Variants in KIF15 observed in about 807,000 individuals in gnomAD.
The protein encoded by KIF15 is kinesin family member 15, also known as kinesin-like protein KIF15.
In KIF15, 140 loss-of-function variants were observed where a neutral mutation model predicts 190.6. The ratio of observed to expected loss-of-function variants is 0.73; its 90% CI spans 0.64 to 0.84. The LOEUF is 0.84. Among genes scored for constraint, KIF15 ranks in the 40% least tolerant of loss-of-function variants. KIF15 has a pLI of 0.00. For missense variants in KIF15, 1,372 were observed against 1,584.4 expected (o/e 0.87, Z 2.28); for synonymous variants, 528 against 551.3 (o/e 0.96, Z 0.59).
chr3:44,804,039 G>T (rs549771587), intron 14 of KIF15, among the ~76,000 whole-genome samples: 1 of 152,110 alleles, frequency 6.6e-6, no homozygotes, highest in African/African-American at 2.4e-5. Context: ...GTAGAGATGG[G>T]GTTTCACCAT....
downstream of KIF15, among the ~76,000 whole-genome samples, chr3:44,858,174 G>C (rs1011953144): frequency 6.6e-6 from 1 of 152,176 alleles, no homozygotes; most frequent in Non-Finnish European, 1.5e-5. Flanking sequence ...ATCAAGAATG[G>C]AATAGTGAGT....
chr3:44,838,605 G>A (rs138835829), intron 27 of KIF15, among the ~76,000 whole-genome samples, 184 bp downstream of exon 27: 23 of 152,148 alleles, frequency 1.5e-4, no homozygotes, highest in Middle Eastern at 3.4e-3. Context: ...AAAGTTAGCC[G>A]GGCGTGGTGG....
At chr3:44,801,007 C>T (rs1707239640) in intron 11 of KIF15, among the ~76,000 whole-genome samples, 1 of 149,972 alleles carries the variant, frequency 6.7e-6, no homozygotes, top group Non-Finnish European at 1.5e-5. Flanking sequence ...ATGACGGTCT[C>T]ATTGTTTTTT....
chr3:44,841,516 G>C (rs1698605855), intron 29 of KIF15, among the ~76,000 whole-genome samples: 1 of 151,506 alleles, frequency 6.6e-6, no homozygotes, highest in South Asian at 2.1e-4. Context: ...TCCTGCCTCA[G>C]CCTCCCGAGT....
chr3:44,791,374 A>C (rs532845712), intron 7 of KIF15, among the ~76,000 whole-genome samples: 19 of 152,322 alleles, frequency 1.2e-4, no homozygotes, highest in Non-Finnish European at 2.4e-4. Flanking sequence ...GTTGCTAAGT[A>C]GTGTCTTTAG....
intron 1 of KIF15, among the ~76,000 whole-genome samples, chr3:44,773,697 C>T (rs1705743346): frequency 6.6e-6 from 1 of 152,112 alleles, no homozygotes; most frequent in Non-Finnish European, 1.5e-5. Context: ...GACAAGAAGC[C>T]TCAGAAACAA....
Position 44,844,198 on chromosome 3 carries a change from AC to A in KIF15, c.3695+968del, listed in dbSNP as rs147767620. Among the ~76,000 whole-genome samples the A allele has an allele frequency of 7.1e-3, 1,087 of 152,268 alleles. 12 individuals carry two copies. Among genetic ancestry groups the A allele is most frequent in the African/African-American group, 0.025 (1,041 of 41,552 alleles). Reference sequence around the variant, plus strand: ...CAGCTCCCTGGCCCTGTCCAGAAACACCCCTGATATGAGTTGTTCAAAACCT... The same window carrying A: ...CAGCTCCCTGGCCCTGTCCAGAAACACCCTGATATGAGTTGTTCAAAACCT... On this transcript the variant is annotated intron_variant, in intron 30 of 34. Transcript: ENST00000326047.
intron 29 of KIF15, among the ~76,000 whole-genome samples, chr3:44,841,690 G>T (rs578177460): frequency 1.3e-5 from 2 of 151,956 alleles, no homozygotes; most frequent in Admixed American, 6.6e-5. Flanking sequence ...GAGCCACCGC[G>T]CCTGGCCAAT....
intron 5 of KIF15, among the ~76,000 whole-genome samples, chr3:44,781,390 T>C (rs1169948712): frequency 6.6e-6 from 1 of 152,248 alleles, no homozygotes; most frequent in African/African-American, 2.4e-5. Context: ...ACTCATGTTG[T>C]TGCATGTAGT....
At chr3:44,800,488 G>A (rs1006803465) in intron 11 of KIF15, 51 bp downstream of exon 11, 2 of 1,579,448 alleles carry the variant, frequency 1.3e-6, no homozygotes, top group African/African-American at 2.7e-5. Context: ...ACAAATAATA[G>A]TTTAAGAGCC....
At chr3:44,829,550 GTATATAT>G (rs1379603753) in intron 24 of KIF15, among the ~76,000 whole-genome samples, 1 of 31,956 alleles carries the variant, frequency 3.1e-5, no homozygotes, top group Admixed American at 4.7e-4. Context: ...TATTATATAT[GTATATAT>G]TATATATGTA....
chr3:44,801,217 G>T (rs543986482), intron 11 of KIF15, among the ~76,000 whole-genome samples: 3 of 150,706 alleles, frequency 2.0e-5, no homozygotes, highest in Admixed American at 6.6e-5. Context: ...GCGGGAGGGG[G>T]GGGTCTCACC....
At chr3:44,790,324 T>G (rs930496452) in intron 7 of KIF15, among the ~76,000 whole-genome samples, 2 of 152,102 alleles carry the variant, frequency 1.3e-5, no homozygotes, top group African/African-American at 4.8e-5. Flanking sequence ...ACTACAGGCT[T>G]GTGCCACCAC....
In KIF15 at chr3:44,848,041, A is replaced by G; in HGVS notation, c.3752A>G (p.Lys1251Arg). Residue 1251 changes from lysine to arginine, a missense_variant, in exon 31 of 35, where the codon AAA becomes AGA. Lys to Arg is a conservative substitution (Grantham distance 26). Coordinates refer to ENST00000326047, the MANE Select transcript of KIF15 (RefSeq NM_020242.3). ...QLKNEQEESI[K>R]ERLAKSKIVE... is the part of the protein sequence containing the mutation. Reference sequence around the variant, plus strand: ...AAGAATGAACAAGAAGAAAGTATCAAAGAAAGACTTGCAAAAGTAAGATTT... The same window carrying G: ...AAGAATGAACAAGAAGAAAGTATCAGAGAAAGACTTGCAAAAGTAAGATTT... 6.2e-7 allele frequency: 1 copy of G among 1,608,836 alleles called. No individual in the cohort carries two copies. Among genetic ancestry groups the G allele is most frequent in the Non-Finnish European group, 8.5e-7 (1 of 1,176,020 alleles).
chr3:44,772,675 A>G (rs1470497305), intron 1 of KIF15, among the ~76,000 whole-genome samples: 2 of 152,216 alleles, frequency 1.3e-5, no homozygotes, highest in African/African-American at 4.8e-5. Flanking sequence ...TACCAAAGGT[A>G]ACTTCCCAGG....
chr3:44,844,167 C>T lies in KIF15; in HGVS notation c.3695+933C>T, dbSNP rs573816389. Reference sequence around the variant, plus strand: ...CATCTTTGACAGAGAAGCTTGTGCACTCCTGCAGCTCCCTGGCCCTGTCCA... The same window carrying T: ...CATCTTTGACAGAGAAGCTTGTGCATTCCTGCAGCTCCCTGGCCCTGTCCA... On this transcript the variant is annotated intron_variant, in intron 30 of 34. Transcript: ENST00000326047. Among the ~76,000 whole-genome samples the T allele has an allele frequency of 2.6e-5, 4 of 152,320 alleles. No individual in the cohort carries two copies. The South Asian group carries it at 8.3e-4, about 32-fold the overall frequency.
intron 6 of KIF15, chr3:44,862,819 G>A (rs1422983174): frequency 6.6e-6 from 1 of 151,958 alleles, no homozygotes; most frequent in African/African-American, 2.4e-5. Flanking sequence ...CTGGACAGTG[G>A]TCACTGATTA....
intron 29 of KIF15, among the ~76,000 whole-genome samples, chr3:44,841,758 G>A (rs1319778197): frequency 6.6e-6 from 1 of 152,144 alleles, no homozygotes; most frequent in African/African-American, 2.4e-5. Flanking sequence ...AATTCAAAAA[G>A]CACAGAACTG....
chr3:44,858,283 A>G (rs1344983294), intron 6 of KIF15, among the ~76,000 whole-genome samples: 1 of 152,212 alleles, frequency 6.6e-6, no homozygotes, highest in Admixed American at 6.5e-5. Flanking sequence ...TCCTGAACTA[A>G]CCTGTAAGAC....
Sources: gnomAD v4.1 joint callset for allele counts (sites outside exome capture counted in the v4.1 genomes callset) on GRCh38, gnomAD v4.1.1 for gene constraint, MANE v1.5 for transcripts, NCBI Gene and HGNC (gene_info 2026-07-23, HGNC 2026-07-21) for gene names.